The following TPD52L1 variants were observed in gnomAD, a reference collection of about 807,000 sequenced individuals.
TPD52L1 encodes the protein tumor protein D53.
TPD52L1 carries 18 observed loss-of-function variants against 28.7 expected under a neutral mutation model. That is an observed-to-expected ratio of 0.63 (90% CI 0.43 to 0.93). TPD52L1 has a LOEUF of 0.93. Ranked by LOEUF, TPD52L1 falls within the 40% of genes least tolerant of loss-of-function variation. The pLI is 0.00. For missense variants in TPD52L1, 203 were observed against 254.8 expected (o/e 0.80, Z 1.39); for synonymous variants, 75 against 88.8 (o/e 0.84, Z 0.88).
chr6:125,154,056 A>T, intron 1 of TPD52L1, 86 bp downstream of exon 1: 1 of 1,528,656 alleles, frequency 6.5e-7, no homozygotes, highest in African/African-American at 1.4e-5. Context: ...TCGCTCTCGG[A>T]CAGAACAGAT....
chr6:125,238,910 G>A (rs1321302844), intron 3 of TPD52L1, among the ~76,000 whole-genome samples: 1 of 152,126 alleles, frequency 6.6e-6, no homozygotes, highest in Non-Finnish European at 1.5e-5. Context: ...CCATATTTTT[G>A]CAATTGCAAA....
In TPD52L1 at chr6:125,233,296, AT is replaced by A. The variant is rs201132560; in HGVS notation, c.284+4032del. On this transcript the variant is annotated intron_variant, in intron 3 of 6. Transcript: ENST00000534000. ...TTTTAAAAACGCACAGTGCTCAAAA[AT>A]TGAACGTTAGTTTATGATTTATTTA... is the stretch of plus-strand genomic sequence containing the variant. 4.8e-3 allele frequency among the ~76,000 whole-genome samples: 731 copies of A among 152,354 alleles called. 4 individuals carry two copies. The highest frequency in any genetic ancestry group is 0.017 in the African/African-American group (687 of 41,578).
chr6:125,246,719 G>C (rs2115032281), intron 3 of TPD52L1, among the ~76,000 whole-genome samples: 1 of 151,966 alleles, frequency 6.6e-6, no homozygotes, highest in Non-Finnish European at 1.5e-5. Flanking sequence ...CTTTCATCTT[G>C]TCTCATTTGC....
chr6:125,164,101 C>T (rs541810896), intron 1 of TPD52L1, among the ~76,000 whole-genome samples: 18 of 152,202 alleles, frequency 1.2e-4, no homozygotes, highest in African/African-American at 4.1e-4. Context: ...GACTTCATAT[C>T]TTGAGATTTC....
At chr6:125,194,830 T>G (rs1793307386) in intron 1 of TPD52L1, among the ~76,000 whole-genome samples, 1 of 152,244 alleles carries the variant, frequency 6.6e-6, no homozygotes, top group South Asian at 2.1e-4. Flanking sequence ...TTTTCTTTTC[T>G]TATTTATAGT....
At chr6:125,168,164 T>A (rs1034650208) in intron 1 of TPD52L1, among the ~76,000 whole-genome samples, 1 of 151,942 alleles carries the variant, frequency 6.6e-6, no homozygotes, top group Non-Finnish European at 1.5e-5. Flanking sequence ...TCCCACGTTT[T>A]GGGTACTTAC....
intron 4 of TPD52L1, among the ~76,000 whole-genome samples, chr6:125,250,117 AT>A (rs1797174257): frequency 6.6e-6 from 1 of 152,090 alleles, no homozygotes; most frequent in Non-Finnish European, 1.5e-5. Flanking sequence ...AAGAAAACAT[AT>A]TTTCCCATGT....
At chr6:125,226,368 T>C (rs1795609693) in intron 2 of TPD52L1, among the ~76,000 whole-genome samples, 1 of 152,128 alleles carries the variant, frequency 6.6e-6, no homozygotes. Context: ...TTAAGAATGA[T>C]TTTTGTTAAA....
At chr6:125,254,518 C>T (rs1797474579) in intron 5 of TPD52L1, among the ~76,000 whole-genome samples, 1 of 151,814 alleles carries the variant, frequency 6.6e-6, no homozygotes, top group Non-Finnish European at 1.5e-5. Context: ...TCAAAGATGC[C>T]CCTCCACCCA....
At chr6:125,230,600 G>T (rs374681179) in intron 3 of TPD52L1, among the ~76,000 whole-genome samples, 182 of 152,278 alleles carry the variant, frequency 1.2e-3, no homozygotes, top group African/African-American at 4.1e-3. Flanking sequence ...TTGCCTGCTG[G>T]TTCCTAAGAA....
intron 3 of TPD52L1, among the ~76,000 whole-genome samples, chr6:125,245,608 G>C (rs964931250): frequency 6.6e-6 from 1 of 152,148 alleles, no homozygotes; most frequent in South Asian, 2.1e-4. Flanking sequence ...GGGTTGGGGG[G>C]TGTGGTTCTC....
In TPD52L1 at chr6:125,182,307, C is replaced by T. The variant is rs144722242; in HGVS notation, c.19+28337C>T. On this transcript the variant is annotated intron_variant, in intron 1 of 6. Transcript: ENST00000534000. ...ATGCAAACACTGATCAAGTGCACAG[C>T]GCTGTGTGACTTTTGTCACTTTTCA... Among the ~76,000 whole-genome samples, 553 of 152,246 alleles carry T rather than the reference C, an allele frequency of 3.6e-3. 1 individual carries two copies. The highest frequency in any genetic ancestry group is 5.8e-3 in the Non-Finnish European group (394 of 68,004).
At chr6:125,184,280 C>G (rs1452143147) in intron 1 of TPD52L1, among the ~76,000 whole-genome samples, 1 of 152,210 alleles carries the variant, frequency 6.6e-6, no homozygotes, top group East Asian at 1.9e-4. Context: ...TTCATCGGCT[C>G]CATAACTGCT....
chr6:125,184,480 G>A (rs1371248477), intron 1 of TPD52L1, among the ~76,000 whole-genome samples: 3 of 152,222 alleles, frequency 2.0e-5, no homozygotes, highest in Non-Finnish European at 4.4e-5. Flanking sequence ...TTACCTTTTG[G>A]TCTGTGGCTC....
At chr6:125,196,676 A>G (rs984055117) in intron 1 of TPD52L1, among the ~76,000 whole-genome samples, 9 of 152,122 alleles carry the variant, frequency 5.9e-5, no homozygotes, top group African/African-American at 2.2e-4. Context: ...AATTTCCTTG[A>G]AAATAGAACT....
At chr6:125,215,266 ACTAG>A (rs1454119806) in intron 1 of TPD52L1, among the ~76,000 whole-genome samples, 1 of 151,842 alleles carries the variant, frequency 6.6e-6, no homozygotes, top group African/African-American at 2.4e-5. Flanking sequence ...ACTTCATTTC[ACTAG>A]TTAATTACCT....
At chr6:125,228,156 G>A (rs962456368) in intron 2 of TPD52L1, among the ~76,000 whole-genome samples, 21 of 152,060 alleles carry the variant, frequency 1.4e-4, no homozygotes, top group Non-Finnish European at 2.5e-4. Flanking sequence ...GTAAATATCT[G>A]CAAACTAAAC....
intron 1 of TPD52L1, among the ~76,000 whole-genome samples, chr6:125,154,771 C>T (rs1369798042): frequency 2.0e-5 from 3 of 151,998 alleles, no homozygotes; most frequent in Non-Finnish European, 4.4e-5. Flanking sequence ...GGATGTGGAG[C>T]GAGAGACAAG....
chr6:125,172,535 T>TATATATATATAATATATATATATATA (rs1562214406), intron 1 of TPD52L1, among the ~76,000 whole-genome samples: 1 of 98,150 alleles, frequency 1.0e-5, no homozygotes, highest in African/African-American at 4.5e-5. Context: ...TATATATATA[T>TATATATATATAATATATATATATATA]ATATATATAT....
Sources: allele counts gnomAD v4.1 joint callset (sites outside exome capture counted in the v4.1 genomes callset), GRCh38; gene constraint gnomAD v4.1.1; transcripts MANE v1.5; gene names NCBI Gene and HGNC (gene_info 2026-07-23, HGNC 2026-07-21).